Variants in LRP1 observed in about 807,000 individuals in gnomAD.
LRP1 encodes the protein prolow-density lipoprotein receptor-related protein 1.
A neutral mutation model predicts 541.5 loss-of-function variants in LRP1; 51 were observed. The observed-to-expected ratio is 0.09, with a 90% CI of 0.08 to 0.12. LRP1 has a LOEUF of 0.12. LRP1 is among the 10% of genes least tolerant of loss of function. The pLI is 1.00. For missense variants in LRP1, 3,878 were observed against 6,376.2 expected (o/e 0.61, Z 13.34); for synonymous variants, 2,219 against 2,470.8 (o/e 0.90, Z 3.02).
rs113927698 is a variant in LRP1 at position 57,204,777 on chromosome 12, C to T, written c.11194+28C>T. 21 of 1,612,824 alleles carry T rather than the reference C, an allele frequency of 1.3e-5. 1 individual carries two copies. The African/African-American group carries it at 1.6e-4, about 12-fold the overall frequency. On this transcript the variant is annotated intron_variant, in intron 72 of 88. Coordinates refer to ENST00000243077, the MANE Select transcript of LRP1 (RefSeq NM_002332.3). The surrounding 1 kb of genome is among the most constrained non-coding windows in gnomAD (Gnocchi z 5.3). ...GAGCAGGGGGCCGACGAGAGGCCTG[C>T]AGGGGACGGGTAGTGCACAGTGGGG...
chr12:57,208,507 T>A lies in LRP1; in HGVS notation c.12039-204T>A, dbSNP rs2036836224. The A allele has an allele frequency of 3.1e-5, 18 of 590,064 alleles. No individual in the cohort carries two copies. In the South Asian group the frequency reaches 3.8e-4, roughly 12 times the overall value. 36.6% of individuals were successfully genotyped at this position (590,064 alleles called of 1,614,324 possible). ...ACAGCTCTGCCAGCGTCGGTGGCTC[T>A]GAATGAGCACACTGTGGTTTTAGAG... On this transcript the variant is annotated intron_variant, in intron 77 of 88. Coordinates refer to ENST00000243077, the MANE Select transcript of LRP1 (RefSeq NM_002332.3).
intron 34 of LRP1, among the ~76,000 whole-genome samples, chr12:57,182,986 G>A (rs2036196129): frequency 6.6e-6 from 1 of 152,226 alleles, no homozygotes; most frequent in African/African-American, 2.4e-5. Flanking sequence ...GGATCAGGCT[G>A]AGCACCAAAC....
Position 57,158,571 on chromosome 12 carries a change from C to T in LRP1, c.1731C>T (p.Asp577=), listed in dbSNP as rs760047932. Residue 577 remains aspartate (D), a synonymous_variant, in exon 11 of 89, where the codon GAC becomes GAT. Transcript: ENST00000243077. The surrounding 1 kb of genome is among the most constrained non-coding windows in gnomAD (Gnocchi z 5.3). ...HAETGFIYFA[D]TTSYLIGRQK... The stretch of plus-strand genomic sequence containing the variant: ...AGACCGGCTTCATCTACTTTGCCGA[C>T]ACCACCAGCTACCTCATTGGCCGCC... 3 of 1,614,208 alleles carry T rather than the reference C, an allele frequency of 1.9e-6. No homozygotes were observed. The highest frequency in any genetic ancestry group is 1.1e-5 in the South Asian group (1 of 91,086).
intron 6 of LRP1, chr12:57,149,607 G>A (rs953163721): frequency 1.7e-5 from 12 of 703,864 alleles, no homozygotes; most frequent in East Asian, 5.4e-5. Flanking sequence ...TGGGATCTAG[G>A]TCGAAATGCC....
Position 57,208,755 on chromosome 12 carries a change from C to T in LRP1, c.12083C>T (p.Thr4028Met), listed in dbSNP as rs368572931. The T allele has an allele frequency of 5.6e-6, 9 of 1,613,952 alleles. No homozygotes were observed. Among genetic ancestry groups the T allele is most frequent in the Non-Finnish European group, 7.6e-6 (9 of 1,179,990 alleles). The stretch of plus-strand genomic sequence containing the variant: ...TGGGGCAACCACCCCAAGATTGAGA[C>T]GGCAGCGATGGATGGGACGCTTCGG... ...SDWGNHPKIE[T>M]AAMDGTLRET... The change falls in exon 78 of 89, where the codon ACG (threonine) becomes ATG (methionine). Residue 4028 changes from threonine (T) to methionine (M), a missense_variant. Physicochemically the swap from Thr to Met is moderately conservative, Grantham distance 81. Transcript: ENST00000243077.
chr12:57,211,030 G>T lies in LRP1; in HGVS notation c.12917-146G>T. 1 of 1,364,184 alleles carries T rather than the reference G, an allele frequency of 7.3e-7. No individual in the cohort carries two copies. Among genetic ancestry groups the T allele is most frequent in the Non-Finnish European group, 1.0e-6 (1 of 1,002,636 alleles). The allele number at this position is 1,364,184 out of a possible 1,614,324, so 84.5% of individuals were successfully genotyped here. ...GCTGAGCCAGGCCCAAGCTGCTGGCGCTTCCCCACAAAGGTGCTGGCACAC... is the reference window on the plus strand; with the variant it reads ...GCTGAGCCAGGCCCAAGCTGCTGGCTCTTCCCCACAAAGGTGCTGGCACAC... On this transcript the variant is annotated intron_variant, in intron 83 of 88. Transcript: ENST00000243077. This position sits in a 1 kb window ranked among gnomAD's most constrained non-coding sequence, Gnocchi z 4.3.
Position 57,194,368 on chromosome 12 carries a change from A to G in LRP1, c.7933A>G (p.Ser2645Gly). 1 of 1,511,694 alleles carries G rather than the reference A, an allele frequency of 6.6e-7. No individual in the cohort carries two copies. The highest frequency in any genetic ancestry group is 8.8e-7 in the Non-Finnish European group (1 of 1,131,096). The allele number at this position is 1,511,694 out of a possible 1,614,324, so 93.6% of individuals were successfully genotyped here. Residue 2645 changes from serine (S) to glycine (G), a missense_variant, in exon 49 of 89, where the codon AGC (serine) becomes GGC (glycine). Around this residue, in one of 13 missense-constraint regions of LRP1, gnomAD observed 1,100 missense variants for 1,827.4 expected, o/e 0.60. Transcript: ENST00000243077. ...DEMNCSATDC[S>G]SYFRLGVKGV... ...GCCCCCACCAGGTGCCACCGACTGC[A>G]GCAGCTACTTCCGCCTGGGCGTGAA...
chr12:57,128,699 G>T lies in LRP1; in HGVS notation c.-266G>T. On this transcript the variant is annotated 5_prime_UTR_variant, in exon 1 of 89. Transcript: ENST00000243077. ...TGAGCTTCGCCCGGGGAGGGGGAAA[G>T]AGCAGCGAGGAGTGAAGCGGGGGGG... The T allele has an allele frequency of 2.4e-6, 1 of 418,090 alleles. No individual in the cohort carries two copies. The highest frequency in any genetic ancestry group is 4.3e-6 in the Non-Finnish European group (1 of 235,192). The allele number at this position is 418,090 out of a possible 1,614,324, so 25.9% of individuals were successfully genotyped here.
At chr12:57,155,037 TGCCTGTGTTTACAAA>T in intron 8 of LRP1, 5 of 556,384 alleles carry the variant, frequency 9.0e-6, no homozygotes, top group Non-Finnish European at 1.6e-5. Flanking sequence ...TTAGGTGATT[TGCCTGTGTTTACAAA>T]GCCGGGTGAT....
chr12:57,129,096 C>T (rs1252508930), intron 1 of LRP1, 65 bp downstream of exon 1: 1 of 1,467,438 alleles, frequency 6.8e-7, no homozygotes, highest in Non-Finnish European at 9.3e-7. Context: ...CCCACTCCTG[C>T]ATACGGATGG....
rs752348684 is a variant in LRP1 at position 57,180,062 on chromosome 12, C to T, written c.5157C>T (p.Thr1719=). 5 of 1,613,794 alleles carry T rather than the reference C, an allele frequency of 3.1e-6. No homozygotes were observed. Among genetic ancestry groups the T allele is most frequent in the Middle Eastern group, 1.6e-4 (1 of 6,084 alleles). ...VHPLRGKLYW[T]DGDNISMANM... ...CTCCCCCCAGGAAGCTCTACTGGACCGATGGTGACAACATCAGCATGGCCA... is the reference window on the plus strand; with the variant it reads ...CTCCCCCCAGGAAGCTCTACTGGACTGATGGTGACAACATCAGCATGGCCA... Residue 1719 remains threonine, a synonymous_variant, in exon 31 of 89, where the codon ACC becomes ACT. Coordinates refer to ENST00000243077, the MANE Select transcript of LRP1 (RefSeq NM_002332.3).
chr12:57,208,872 G>A (rs2036846370), intron 78 of LRP1, 55 bp downstream of exon 78: 1 of 1,428,222 alleles, frequency 7.0e-7, no homozygotes, highest in East Asian at 2.3e-5. Flanking sequence ...GGCTCGCAGA[G>A]CCCAGCTGCT....
chr12:57,193,028 G>T, intron 45 of LRP1, 58 bp downstream of exon 45: 1 of 1,596,968 alleles, frequency 6.3e-7, no homozygotes, highest in South Asian at 1.1e-5. Context: ...CAGGGATGGT[G>T]ACCATCTCCC....
Position 57,173,073 on chromosome 12 carries a change from C to T in LRP1, c.3164-95C>T. The T allele has an allele frequency of 1.9e-6, 2 of 1,054,978 alleles. No individual in the cohort carries two copies. The highest frequency in any genetic ancestry group is 3.1e-5 in the South Asian group (2 of 64,124). 65.4% of individuals were successfully genotyped at this position (1,054,978 alleles called of 1,614,324 possible). ...TCCAGGCCTGCCTCTGCTCATATCC[C>T]CAGGCTGGGCTTACCGGGGTGGCAG... is the stretch of plus-strand genomic sequence containing the variant. On this transcript the variant is annotated intron_variant, in intron 20 of 88. Coordinates refer to ENST00000243077, the MANE Select transcript of LRP1 (RefSeq NM_002332.3). This position sits in a 1 kb window ranked among gnomAD's most constrained non-coding sequence, Gnocchi z 4.7.
chr12:57,192,368 C>T (rs1372452571), intron 44 of LRP1, among the ~76,000 whole-genome samples: 1 of 152,182 alleles, frequency 6.6e-6, no homozygotes, highest in Non-Finnish European at 1.5e-5. Flanking sequence ...CCTCAGGGCT[C>T]ATCCATGCCC....
intron 43 of LRP1, 126 bp downstream of exon 43, chr12:57,191,135 G>A (rs1219666627): frequency 3.4e-6 from 4 of 1,161,196 alleles, no homozygotes; most frequent in East Asian, 2.6e-5. Flanking sequence ...AGTGCCTCCA[G>A]GCCCCAGCCT....
At chr12:57,136,681 T>C (rs1429448329) in intron 1 of LRP1, among the ~76,000 whole-genome samples, 1 of 152,040 alleles carries the variant, frequency 6.6e-6, no homozygotes, top group South Asian at 2.1e-4. Flanking sequence ...GTTCCTCCTG[T>C]GGAGGATGTG....
intron 44 of LRP1, among the ~76,000 whole-genome samples, chr12:57,192,125 A>G (rs2036424980): frequency 6.7e-6 from 1 of 149,180 alleles, no homozygotes; most frequent in Admixed American, 6.7e-5. Context: ...CATCTCACAG[A>G]CATACTATAA....
Position 57,173,921 on chromosome 12 carries a change from A to G in LRP1, c.3488A>G (p.Asp1163Gly). ...ANNTSVCLPP[D>G]KLCDGNDDCG... ...AACACCTCAGTCTGCCTGCCCCCTG[A>G]CAAGCTGTGTGATGGCAACGACGAC... The change falls in exon 22 of 89, where the codon GAC (aspartate) becomes GGC (glycine). Residue 1163 changes from aspartate to glycine, a missense_variant. Asp to Gly is a moderately conservative substitution (Grantham distance 94). Coordinates refer to ENST00000243077, the MANE Select transcript of LRP1 (RefSeq NM_002332.3). This position sits in a 1 kb window ranked among gnomAD's most constrained non-coding sequence, Gnocchi z 4.7. 1 of 1,614,230 alleles carries G rather than the reference A, an allele frequency of 6.2e-7. No individual in the cohort carries two copies. Among genetic ancestry groups the G allele is most frequent in the Non-Finnish European group, 8.5e-7 (1 of 1,180,042 alleles).
Sources: allele counts gnomAD v4.1 joint callset (sites outside exome capture counted in the v4.1 genomes callset), GRCh38; gene constraint gnomAD v4.1.1; regional missense constraint gnomAD v4.1.1; non-coding constraint Gnocchi (gnomAD v3.1); transcripts MANE v1.5; gene names NCBI Gene and HGNC (gene_info 2026-07-23, HGNC 2026-07-21).